SCAI: variants seen among roughly 807,000 people sequenced by gnomAD.
The protein encoded by SCAI is protein SCAI.
A neutral mutation model predicts 92.2 loss-of-function variants in SCAI; 24 were observed. The ratio of observed to expected loss-of-function variants is 0.26; its 90% CI spans 0.19 to 0.37. The LOEUF (loss-of-function observed/expected upper bound fraction) is 0.37. SCAI is among the 10% of genes least tolerant of loss of function. The pLI is 1.00. For missense variants in SCAI, 450 were observed against 736.2 expected (o/e 0.61, Z 4.50); for synonymous variants, 261 against 258.6 (o/e 1.01, Z -0.09).
At chr9:125,134,940 T>C (rs1040556361) in intron 2 of SCAI, among the ~76,000 whole-genome samples, 1 of 151,896 alleles carries the variant, frequency 6.6e-6, no homozygotes, top group African/African-American at 2.4e-5. Context: ...CCTCCCAAAA[T>C]GCTGAGATTA....
chr9:125,011,124 G>A (rs1271537378), intron 9 of SCAI, among the ~76,000 whole-genome samples: 3 of 152,208 alleles, frequency 2.0e-5, no homozygotes, highest in South Asian at 2.1e-4. Flanking sequence ...AAAGCAGAGC[G>A]CCTCTCCTCC....
intron 2 of SCAI, among the ~76,000 whole-genome samples, chr9:125,106,013 C>T (rs1230610110): frequency 1.4e-5 from 2 of 144,630 alleles, no homozygotes; most frequent in Admixed American, 1.4e-4. Context: ...AGGAGAATCA[C>T]CTGAACCCAG....
chr9:125,013,951 C>G (rs371856899), intron 9 of SCAI, among the ~76,000 whole-genome samples: 2 of 152,050 alleles, frequency 1.3e-5, no homozygotes, highest in East Asian at 3.8e-4. Flanking sequence ...TCAATAGATG[C>G]AGAAAAGGCC....
At chr9:125,076,706 TTC>T (rs1159036256) in intron 2 of SCAI, among the ~76,000 whole-genome samples, 1 of 151,934 alleles carries the variant, frequency 6.6e-6, no homozygotes, top group African/African-American at 2.4e-5. Context: ...CATTTTTCCT[TTC>T]TTTTTTTTTT....
intron 2 of SCAI, among the ~76,000 whole-genome samples, chr9:125,120,556 G>A (rs1835136751): frequency 6.6e-6 from 1 of 152,144 alleles, no homozygotes; most frequent in Admixed American, 6.6e-5. Flanking sequence ...AGCCAGACAT[G>A]GTGGCAGGCG....
intron 3 of SCAI, among the ~76,000 whole-genome samples, chr9:125,033,990 C>T (rs909049707): frequency 2.0e-5 from 3 of 152,146 alleles, no homozygotes; most frequent in Admixed American, 6.5e-5. Flanking sequence ...AAATAGACGA[C>T]ACACAAGTGG....
intron 17 of SCAI, among the ~76,000 whole-genome samples, chr9:124,957,523 C>A (rs1338104837): frequency 4.4e-5 from 5 of 113,740 alleles, no homozygotes; most frequent in African/African-American, 1.5e-4. Context: ...CCACCACACC[C>A]GGCTAATTTT....
intron 2 of SCAI, among the ~76,000 whole-genome samples, chr9:125,120,060 C>T (rs138525503): frequency 1.2e-4 from 19 of 152,268 alleles, no homozygotes; most frequent in Admixed American, 5.9e-4. Flanking sequence ...AAGGCATTTA[C>T]AAAAGTCTGC....
At chr9:125,092,380 G>A (rs1258476002) in intron 2 of SCAI, among the ~76,000 whole-genome samples, 1 of 151,904 alleles carries the variant, frequency 6.6e-6, no homozygotes, top group Non-Finnish European at 1.5e-5. Context: ...TTGAATCCAG[G>A]AGTCGGAGGC....
chr9:125,038,843 C>T (rs1021551434), intron 3 of SCAI, among the ~76,000 whole-genome samples: 18 of 152,312 alleles, frequency 1.2e-4, no homozygotes, highest in Admixed American at 3.3e-4. Flanking sequence ...GAATTTTAAT[C>T]CTGCTACTGC....
intron 2 of SCAI, among the ~76,000 whole-genome samples, chr9:125,100,858 AG>A (rs1834663155): frequency 6.6e-6 from 1 of 152,220 alleles, no homozygotes; most frequent in African/African-American, 2.4e-5. Flanking sequence ...TTCTAGGCAG[AG>A]AAAAGAGCAA....
At chr9:125,110,136 G>A (rs960576979) in intron 2 of SCAI, among the ~76,000 whole-genome samples, 1 of 152,204 alleles carries the variant, frequency 6.6e-6, no homozygotes, top group African/African-American at 2.4e-5. Context: ...TACGTATTAT[G>A]TTGGTATGAC....
At chr9:124,993,543 T>C (rs1480845523) in intron 14 of SCAI, among the ~76,000 whole-genome samples, 2 of 152,118 alleles carry the variant, frequency 1.3e-5, no homozygotes, top group African/African-American at 2.4e-5. Flanking sequence ...TGAGCTGAGA[T>C]CATGCCATTG....
intron 9 of SCAI, among the ~76,000 whole-genome samples, chr9:125,018,046 C>T (rs1304520919): frequency 6.6e-6 from 1 of 151,794 alleles, no homozygotes; most frequent in Non-Finnish European, 1.5e-5. Context: ...AACTCCTCGC[C>T]CCTTTTTGCT....
intron 9 of SCAI, among the ~76,000 whole-genome samples, chr9:125,017,317 T>C (rs774208230): frequency 1.3e-5 from 2 of 152,162 alleles, no homozygotes; most frequent in Non-Finnish European, 2.9e-5. Context: ...TGGTTTTAAT[T>C]TATATTTTTC....
At chr9:125,039,238 T>C (rs1013237987) in intron 3 of SCAI, among the ~76,000 whole-genome samples, 4 of 151,794 alleles carry the variant, frequency 2.6e-5, no homozygotes, top group African/African-American at 9.7e-5. Context: ...TACAAAAGAA[T>C]TAGCTAGGCG....
intron 2 of SCAI, among the ~76,000 whole-genome samples, chr9:125,139,947 CTGGG>C (rs1835627373): frequency 6.6e-6 from 1 of 152,204 alleles, no homozygotes; most frequent in African/African-American, 2.4e-5. Flanking sequence ...AAAAGAAAGG[CTGGG>C]TATGGTGGCT....
intron 5 of SCAI, among the ~76,000 whole-genome samples, chr9:125,027,612 C>T (rs1206150262): frequency 2.0e-5 from 3 of 152,050 alleles, no homozygotes; most frequent in Admixed American, 2.0e-4. Flanking sequence ...CCTCTGCCTC[C>T]CAGGTTCAAG....
chr9:125,076,314 C>T (rs969804788), intron 2 of SCAI, among the ~76,000 whole-genome samples: 6 of 150,952 alleles, frequency 4.0e-5, no homozygotes, highest in Admixed American at 3.3e-4. Flanking sequence ...GCTTGGTCAA[C>T]ATGGTGAGAC....
Sources: gnomAD v4.1 joint callset for allele counts (sites outside exome capture counted in the v4.1 genomes callset) on GRCh38, gnomAD v4.1.1 for gene constraint, MANE v1.5 for transcripts, NCBI Gene and HGNC (gene_info 2026-07-23, HGNC 2026-07-21) for gene names.